PGR: variants seen among roughly 807,000 people sequenced by gnomAD.
PGR encodes the protein progesterone receptor.
A neutral mutation model predicts 76.1 loss-of-function variants in PGR; 25 were observed. That is an observed-to-expected ratio of 0.33 (90% confidence interval 0.24 to 0.46). The LOEUF (loss-of-function observed/expected upper bound fraction) is 0.46, where lower values mean the gene tolerates loss of function less well. Ranked by LOEUF, PGR falls within the 20% of genes least tolerant of loss-of-function variation. The probability of loss-of-function intolerance (pLI) is 1.00; values close to 1 mark genes in which losing one functional copy is unlikely to be tolerated. For synonymous variants in PGR, 579 were observed against 535.0 expected (o/e 1.08, Z -1.14); for missense variants, 1,172 against 1,225.3 (o/e 0.96, Z 0.65).
chr11:101,073,646 G>T (rs1861022445), intron 3 of PGR, among the ~76,000 whole-genome samples: 2 of 152,020 alleles, frequency 1.3e-5, no homozygotes, highest in South Asian at 2.1e-4. Flanking sequence ...TGATAAAGGG[G>T]ATATCACCAG....
intron 3 of PGR, among the ~76,000 whole-genome samples, chr11:101,089,356 G>A (rs1433380719): frequency 1.3e-5 from 2 of 152,052 alleles, no homozygotes; most frequent in Non-Finnish European, 1.5e-5. Context: ...ATTATAACTG[G>A]CATATCAAAT....
intron 6 of PGR, among the ~76,000 whole-genome samples, chr11:101,042,791 T>C (rs1859737021): frequency 6.6e-6 from 1 of 152,180 alleles, no homozygotes; most frequent in Admixed American, 6.5e-5. Context: ...TGTTTCCCAG[T>C]CCACGTAGAA....
In PGR at chr11:101,039,068, A is replaced by G; in HGVS notation, c.*48T>C. 1 of 1,515,866 alleles carries G rather than the reference A, an allele frequency of 6.6e-7. No individual in the cohort carries two copies. The highest frequency in any genetic ancestry group is 9.1e-7 in the Non-Finnish European group (1 of 1,093,088). 93.9% of individuals were successfully genotyped at this position (1,515,866 alleles called of 1,614,324 possible). A position where few individuals can be genotyped will look rare whatever the true frequency, so the allele number is the denominator to read the frequency against. ...AAGACCTCATAATCCTGACCAAAAC[A>G]AAAAGACATACCACAAAATTTAATT... On this transcript the variant is annotated 3_prime_UTR_variant, in exon 8 of 8. Transcript: ENST00000325455.
chr11:101,090,319 A>G (rs1861639954), intron 3 of PGR, among the ~76,000 whole-genome samples: 1 of 152,216 alleles, frequency 6.6e-6, no homozygotes, highest in Non-Finnish European at 1.5e-5. Flanking sequence ...TCATTCTTTG[A>G]TAAAATTGAA....
chr11:101,127,033 A>G (rs1862859578), intron 1 of PGR: 1 of 154,452 alleles, frequency 6.5e-6, no homozygotes, highest in African/African-American at 2.4e-5. Flanking sequence ...CCTTCTTCTA[A>G]GAAAGAAGCA....
chr11:101,118,786 T>C (rs1008206532), intron 2 of PGR, among the ~76,000 whole-genome samples: 1 of 152,236 alleles, frequency 6.6e-6, no homozygotes, highest in Non-Finnish European at 1.5e-5. Context: ...TAGTTAATTA[T>C]ATGAGGGCCA....
At chr11:101,089,268 G>A (rs1484821783) in intron 3 of PGR, among the ~76,000 whole-genome samples, 3 of 152,146 alleles carry the variant, frequency 2.0e-5, no homozygotes, top group Admixed American at 1.3e-4. Flanking sequence ...ATCATTTATG[G>A]TATACAAGCA....
intron 3 of PGR, among the ~76,000 whole-genome samples, chr11:101,066,185 G>C (rs956072520): frequency 1.3e-5 from 2 of 152,094 alleles, no homozygotes; most frequent in Admixed American, 6.6e-5. Flanking sequence ...CTCCAGTCAG[G>C]TCATTCCTCT....
At chr11:101,125,879 T>C (rs1349248475) in intron 2 of PGR, 128 bp downstream of exon 2, 2 of 821,060 alleles carry the variant, frequency 2.4e-6, no homozygotes, top group Non-Finnish European at 3.9e-6. Flanking sequence ...TGTCATCATA[T>C]ATTTTAAATT....
intron 4 of PGR, among the ~76,000 whole-genome samples, chr11:101,058,698 T>C (rs561643912): frequency 2.6e-5 from 4 of 152,314 alleles, no homozygotes; most frequent in Admixed American, 1.3e-4. Context: ...CTGCAACGTA[T>C]TGATGTACAG....
chr11:101,073,101 G>C (rs1287699860), intron 3 of PGR, among the ~76,000 whole-genome samples: 1 of 152,154 alleles, frequency 6.6e-6, no homozygotes, highest in Non-Finnish European at 1.5e-5. Context: ...AAATGTGAAA[G>C]AATGGAAATA....
intron 2 of PGR, among the ~76,000 whole-genome samples, chr11:101,098,186 T>C (rs539162410): frequency 6.6e-6 from 1 of 152,212 alleles, no homozygotes; most frequent in Admixed American, 6.5e-5. Context: ...ATGACAAAAT[T>C]CCACTTTAAA....
At chr11:101,045,045 G>A (rs1457711112) in intron 6 of PGR, among the ~76,000 whole-genome samples, 3 of 151,944 alleles carry the variant, frequency 2.0e-5, no homozygotes, top group African/African-American at 7.3e-5. Context: ...CAGGGAACAG[G>A]GAGGAAAATT....
chr11:101,102,649 GA>G (rs1862028203), intron 2 of PGR, among the ~76,000 whole-genome samples: 1 of 152,130 alleles, frequency 6.6e-6, no homozygotes, highest in African/African-American at 2.4e-5. Context: ...AAAAGTGAAG[GA>G]AAAAGGTGTG....
chr11:101,061,160 C>G (rs1456480434), intron 4 of PGR, among the ~76,000 whole-genome samples: 4 of 152,092 alleles, frequency 2.6e-5, no homozygotes, highest in African/African-American at 9.7e-5. Flanking sequence ...AAAAGTTCAT[C>G]AATGCTATTG....
At chr11:101,105,134 C>T (rs1255883350) in intron 2 of PGR, among the ~76,000 whole-genome samples, 1 of 152,150 alleles carries the variant, frequency 6.6e-6, no homozygotes, top group African/African-American at 2.4e-5. Flanking sequence ...GTAGATAGTA[C>T]AATCAGAGTG....
At chr11:101,120,954 T>C (rs562894) in intron 2 of PGR, among the ~76,000 whole-genome samples, 17,807 of 152,228 alleles carry the variant, frequency 0.12, 1,353 homozygotes, top group Non-Finnish European at 0.16. Context: ...ATTAAAAATC[T>C]GGGAGCTCTA....
intron 2 of PGR, among the ~76,000 whole-genome samples, chr11:101,124,297 A>C (rs1462581605): frequency 6.6e-6 from 1 of 152,152 alleles, no homozygotes; most frequent in Non-Finnish European, 1.5e-5. Context: ...ACGAGAAAGC[A>C]TTTGTATTTT....
rs772295478 is a variant in PGR, at chr11:101,127,747, C to T, written c.1324G>A (p.Ala442Thr). The T allele has an allele frequency of 9.0e-6, 14 of 1,552,400 alleles. No homozygotes were observed. Among genetic ancestry groups the T allele is most frequent in the Non-Finnish European group, 1.2e-5 (14 of 1,156,010 alleles). Residue 442 changes from alanine (A) to threonine (T), a missense_variant, in exon 1 of 8, where the codon GCA becomes ACA. Around this residue, in one of 4 missense-constraint regions of PGR, gnomAD observed 893 missense variants for 785.9 expected, o/e 1.14. Transcript: ENST00000325455. ...GACGAGACTGAGGCACTGGCGGGTG[C>T]GGCCGTCACCGCCGCTTCCCCGGGT... ...SRPGEAAVTAAPASASVSSAS... is the reference protein window; with the variant it reads ...SRPGEAAVTATPASASVSSAS...
Sources: gnomAD v4.1 joint callset for allele counts (sites outside exome capture counted in the v4.1 genomes callset) on GRCh38, gnomAD v4.1.1 for gene constraint, gnomAD v4.1.1 regional missense constraint, MANE v1.5 for transcripts, NCBI Gene and HGNC (gene_info 2026-07-23, HGNC 2026-07-21) for gene names.